MGMT: variants seen among roughly 807,000 people sequenced by gnomAD.
MGMT encodes O-6-methylguanine-DNA methyltransferase.
Under a neutral mutation model 15.9 loss-of-function variants are expected in MGMT, and 14 were observed. The observed-to-expected ratio is 0.88, with a 90% confidence interval of 0.58 to 1.37. The LOEUF (loss-of-function observed/expected upper bound fraction) is 1.37. MGMT is among the 40% of genes most tolerant of loss of function. The pLI is 0.00. For synonymous variants in MGMT, 130 were observed against 118.2 expected, an observed-to-expected ratio of 1.10 and a Z score of -0.65; for missense variants, 282 against 268.1, an observed-to-expected ratio of 1.05 and a Z score of -0.36.
intron 2 of MGMT, among the ~76,000 whole-genome samples, chr10:129,707,220 TGAGCCAAGATC>T (rs1230452355): frequency 6.6e-6 from 1 of 151,974 alleles, no homozygotes; most frequent in Non-Finnish European, 1.5e-5. Context: ...GAGGTTGCAG[TGAGCCAAGATC>T]GAGCCATTGT....
At chr10:129,599,501 C>T (rs1045493382) in intron 2 of MGMT, among the ~76,000 whole-genome samples, 1 of 152,192 alleles carries the variant, frequency 6.6e-6, no homozygotes, top group Non-Finnish European at 1.5e-5. Flanking sequence ...ATCATCCCTT[C>T]GAGGCAGTGG....
chr10:129,659,358 G>GA lies in MGMT; in HGVS notation c.126-48537_126-48536insA, dbSNP rs10644344. On this transcript the variant is annotated intron_variant, in intron 2 of 4. Coordinates refer to ENST00000651593, the MANE Select transcript of MGMT (RefSeq NM_002412.5). This position sits in a 1 kb window ranked among gnomAD's most constrained non-coding sequence, Gnocchi z 4.1. Reference sequence around the variant, plus strand: ...GGTGGCAGAGCGAGACTCCCTGTGTGGAAAAAAAAAAAAAAGATACTCAGA... The same window carrying GA: ...GGTGGCAGAGCGAGACTCCCTGTGTGAGAAAAAAAAAAAAAAGATACTCAGA... Among the ~76,000 whole-genome samples, 6 of 147,042 alleles carry GA rather than the reference G, an allele frequency of 4.1e-5. No homozygotes were observed. The highest frequency in any genetic ancestry group is 1.3e-4 in the African/African-American group (5 of 37,800).
chr10:129,591,901 A>C (rs1846691297), intron 2 of MGMT, among the ~76,000 whole-genome samples: 1 of 152,238 alleles, frequency 6.6e-6, no homozygotes, highest in Admixed American at 6.5e-5. Flanking sequence ...ACTGCACTCC[A>C]GCCTGGGTGA....
At chr10:129,748,345 C>A (rs1848717420) in intron 3 of MGMT, among the ~76,000 whole-genome samples, 1 of 152,066 alleles carries the variant, frequency 6.6e-6, no homozygotes, top group African/African-American at 2.4e-5. Flanking sequence ...GGAGATTGTG[C>A]AGTTTGCTCC....
intron 1 of MGMT, among the ~76,000 whole-genome samples, chr10:129,521,839 G>A (rs1488990790): frequency 6.6e-6 from 1 of 152,232 alleles, no homozygotes; most frequent in Non-Finnish European, 1.5e-5. Flanking sequence ...CGGTGCTAGT[G>A]CCAGCATGGT....
At chr10:129,495,040 C>A (rs1467100281) in intron 1 of MGMT, among the ~76,000 whole-genome samples, 2 of 152,178 alleles carry the variant, frequency 1.3e-5, no homozygotes, top group Non-Finnish European at 2.9e-5. Flanking sequence ...TTGCAAAACC[C>A]ATTTAAATAA....
chr10:129,482,599 T>C (rs569350393), intron 1 of MGMT, among the ~76,000 whole-genome samples: 1 of 152,330 alleles, frequency 6.6e-6, no homozygotes, highest in African/African-American at 2.4e-5. Flanking sequence ...CATACATGTT[T>C]AGAATTTTAA....
At position 129,637,930 on chromosome 10, in the gene MGMT, A is replaced by G. The variant is rs141039273; in HGVS notation, c.126-69965A>G. 2.8e-4 allele frequency among the ~76,000 whole-genome samples: 42 copies of G among 152,266 alleles called. No individual in the cohort carries two copies. In the East Asian group the frequency reaches 7.9e-3, roughly 29 times the overall value. On this transcript the variant is annotated intron_variant, in intron 2 of 4. Coordinates refer to ENST00000651593, the MANE Select transcript of MGMT (RefSeq NM_002412.5). ...GTCTGTTCTTTAAACCACCCGGTCT[A>G]TGGTATTTTGTTATGGCAGCCTGAG...
At chr10:129,731,356 CTTTTTTTT>C (rs547636043) in intron 3 of MGMT, among the ~76,000 whole-genome samples, 4 of 96,996 alleles carry the variant, frequency 4.1e-5, no homozygotes, top group Non-Finnish European at 1.9e-5. Context: ...AAACCTAAGA[CTTTTTTTT>C]TTTTTTTTTT....
intron 3 of MGMT, among the ~76,000 whole-genome samples, chr10:129,709,095 C>A (rs924907433): frequency 1.3e-5 from 2 of 152,254 alleles, no homozygotes; most frequent in Non-Finnish European, 2.9e-5. Flanking sequence ...AGGCACCTTG[C>A]TGTCCTCTGA....
chr10:129,536,477 A>G (rs1845985963), intron 2 of MGMT, 100 bp downstream of exon 2: 1 of 1,442,410 alleles, frequency 6.9e-7, no homozygotes, highest in Non-Finnish European at 9.3e-7. Flanking sequence ...AGGGTAACGC[A>G]TAGCCTTACC....
Position 129,556,247 on chromosome 10 carries a change from A to G in MGMT, c.125+19870A>G, listed in dbSNP as rs1846211875. 6.6e-6 allele frequency among the ~76,000 whole-genome samples: 1 copy of G among 152,160 alleles called. No homozygotes were observed. Among genetic ancestry groups the G allele is most frequent in the Non-Finnish European group, 1.5e-5 (1 of 68,020 alleles). ...CCAAAATTTAGGTGTTGAAGTCCTC[A>G]TCCTCAGAACCTCTGGATGTGACAG... is the stretch of plus-strand genomic sequence containing the variant. On this transcript the variant is annotated intron_variant, in intron 2 of 4. Transcript: ENST00000651593. This position sits in a 1 kb window ranked among gnomAD's most constrained non-coding sequence, Gnocchi z 4.3.
At chr10:129,589,834 T>G (rs571242573) in intron 2 of MGMT, among the ~76,000 whole-genome samples, 25 of 152,196 alleles carry the variant, frequency 1.6e-4, no homozygotes, top group African/African-American at 5.5e-4. Context: ...GGGAGCCGCG[T>G]GAAAATCAGA....
At chr10:129,726,533 G>A (rs1223132927) in intron 3 of MGMT, among the ~76,000 whole-genome samples, 3 of 152,228 alleles carry the variant, frequency 2.0e-5, no homozygotes, top group South Asian at 2.1e-4. Context: ...CCAGAAGGGA[G>A]CAGCCTCACG....
chr10:129,634,105 T>C (rs1847240023), intron 2 of MGMT, among the ~76,000 whole-genome samples: 1 of 152,234 alleles, frequency 6.6e-6, no homozygotes, highest in Non-Finnish European at 1.5e-5. Context: ...TGAAAGGTAT[T>C]TTCACTGGGT....
intron 2 of MGMT, among the ~76,000 whole-genome samples, chr10:129,647,841 C>T (rs1232482510): frequency 6.6e-6 from 1 of 152,108 alleles, no homozygotes; most frequent in African/African-American, 2.4e-5. Context: ...ATTCAATTTC[C>T]CTCTGCAGTG....
chr10:129,538,453 A>G (rs1286015291), intron 2 of MGMT, among the ~76,000 whole-genome samples: 2 of 152,202 alleles, frequency 1.3e-5, no homozygotes, highest in Non-Finnish European at 2.9e-5. Context: ...TGTGAGTTTC[A>G]GTTACTCCAC....
intron 2 of MGMT, among the ~76,000 whole-genome samples, chr10:129,586,064 A>G (rs1412997789): frequency 6.6e-6 from 1 of 152,166 alleles, no homozygotes; most frequent in African/African-American, 2.4e-5. Context: ...TTCGTGTCTC[A>G]GGTGGGATGG....
chr10:129,605,650 C>T (rs578251863), intron 2 of MGMT, among the ~76,000 whole-genome samples: 2 of 152,264 alleles, frequency 1.3e-5, no homozygotes, highest in South Asian at 4.1e-4. Context: ...CGAGGAAAGG[C>T]TTGTGTTACC....
Sources: gnomAD v4.1 joint callset for allele counts (sites outside exome capture counted in the v4.1 genomes callset) on GRCh38, gnomAD v4.1.1 for gene constraint, Gnocchi (gnomAD v3.1) non-coding constraint, MANE v1.5 for transcripts, NCBI Gene and HGNC (gene_info 2026-07-23, HGNC 2026-07-21) for gene names.